GPBP1L1: variants seen among roughly 807,000 people sequenced by gnomAD.
GPBP1L1 encodes vasculin-like protein 1.
In GPBP1L1, 23 loss-of-function variants were observed where a neutral mutation model predicts 52.5. The observed-to-expected ratio is 0.44, with a 90% confidence interval of 0.32 to 0.62. The LOEUF is 0.62. Ranked by LOEUF, GPBP1L1 falls within the 20% of genes least tolerant of loss-of-function variation. GPBP1L1 has a pLI of 0.06. For missense variants in GPBP1L1, 596 were observed against 579.3 expected (o/e 1.03, Z -0.30); for synonymous variants, 243 against 203.1 (o/e 1.20, Z -1.67).
chr1:45,677,304 C>T (rs1441999965), intron 2 of GPBP1L1, among the ~76,000 whole-genome samples: 3 of 148,660 alleles, frequency 2.0e-5, no homozygotes, highest in Non-Finnish European at 4.4e-5. Context: ...TGCGCCACTG[C>T]ACTCCAGCCT....
chr1:45,658,046 A>G (rs531136765), intron 4 of GPBP1L1, among the ~76,000 whole-genome samples: 1 of 152,292 alleles, frequency 6.6e-6, no homozygotes, highest in South Asian at 2.1e-4. Context: ...TAAGTTTACT[A>G]GCTTCCCAAA....
chr1:45,659,056 A>G lies in GPBP1L1; in HGVS notation c.32T>C (p.Leu11Pro). 1.9e-6 allele frequency: 3 copies of G among 1,613,786 alleles called. No homozygotes were observed. The highest frequency in any genetic ancestry group is 2.5e-6 in the Non-Finnish European group (3 of 1,179,632). Reference sequence around the variant, plus strand: ...AGCTGACTGTGGTGTTGAGAAATTTAGCCAAGCAGGAACAAAATCATGCTG... The same window carrying G: ...AGCTGACTGTGGTGTTGAGAAATTTGGCCAAGCAGGAACAAAATCATGCTG... MAQHDFVPAW[L>P]NFSTPQSAKS... Residue 11 changes from leucine (L) to proline (P), a missense_variant, in exon 4 of 13, where the codon CTA becomes CCA. By Grantham distance (98) the Leu-to-Pro change is moderately conservative. Transcript: ENST00000355105.
intron 6 of GPBP1L1, chr1:45,651,519 A>T (rs552858841): frequency 3.9e-6 from 2 of 514,736 alleles, no homozygotes; most frequent in Non-Finnish European, 7.0e-6. Flanking sequence ...TTTGCCTCTG[A>T]TCTGTACTTG....
At chr1:45,661,645 T>C (rs1033723563) in intron 2 of GPBP1L1, among the ~76,000 whole-genome samples, 3 of 152,118 alleles carry the variant, frequency 2.0e-5, no homozygotes, top group African/African-American at 4.8e-5. Flanking sequence ...TTAGTAGACA[T>C]GGGGTTTCAC....
chr1:45,655,162 A>G (rs529852428), intron 5 of GPBP1L1, 28 bp downstream of exon 5: 1 of 1,613,782 alleles, frequency 6.2e-7, no homozygotes, highest in African/African-American at 1.3e-5. Flanking sequence ...TAGCTTAAAT[A>G]TAGTCATGAA....
chr1:45,630,779 TTC>T lies in GPBP1L1; in HGVS notation c.1045-175_1045-174del, dbSNP rs1206581839. The T allele has an allele frequency of 2.7e-5, 17 of 622,024 alleles. No homozygotes were observed. In the African/African-American group the frequency reaches 3.1e-4, roughly 11 times the overall value. The allele number at this position is 622,024 out of a possible 1,614,324, so 38.5% of individuals were successfully genotyped here. ...GGACCTGCTGCATCAACAAAACTGA[TTC>T]TAAAGTTTTAATGAAAAGGCAAAAG... On this transcript the variant is annotated intron_variant, in intron 10 of 12. Transcript: ENST00000355105.
intron 2 of GPBP1L1, among the ~76,000 whole-genome samples, chr1:45,674,286 TAGA>T (rs1276692481): frequency 2.0e-5 from 3 of 152,186 alleles, no homozygotes; most frequent in Non-Finnish European, 4.4e-5. Flanking sequence ...TTTGGATAAG[TAGA>T]AGATTAAAAA....
chr1:45,672,189 T>C (rs1645081533), intron 2 of GPBP1L1, among the ~76,000 whole-genome samples: 1 of 152,020 alleles, frequency 6.6e-6, no homozygotes, highest in South Asian at 2.1e-4. Flanking sequence ...TATGAAACCA[T>C]GTCTCTACTA....
intron 2 of GPBP1L1, among the ~76,000 whole-genome samples, chr1:45,678,815 T>C (rs1031941386): frequency 5.3e-5 from 8 of 152,192 alleles, no homozygotes; most frequent in Non-Finnish European, 1.2e-4. Flanking sequence ...GAATAGCACC[T>C]GGGTATTAGA....
intron 2 of GPBP1L1, among the ~76,000 whole-genome samples, chr1:45,672,066 A>T (rs1177552496): frequency 1.3e-5 from 2 of 152,116 alleles, no homozygotes; most frequent in Admixed American, 1.3e-4. Flanking sequence ...ATACCTTTTT[A>T]AAAAGATTTA....
At chr1:45,642,191 A>G (rs369215516) in intron 7 of GPBP1L1, among the ~76,000 whole-genome samples, 8 of 152,196 alleles carry the variant, frequency 5.3e-5, no homozygotes, top group African/African-American at 1.7e-4. Context: ...TCACGGTTCT[A>G]TAAGTTCTCA....
At chr1:45,652,081 A>G (rs569669680) in intron 6 of GPBP1L1, among the ~76,000 whole-genome samples, 2 of 152,356 alleles carry the variant, frequency 1.3e-5, no homozygotes, top group East Asian at 3.9e-4. Flanking sequence ...TAATTCTGTT[A>G]TGAGGCTGTC....
At chr1:45,661,899 CAT>C (rs1475086727) in intron 2 of GPBP1L1, among the ~76,000 whole-genome samples, 1 of 152,088 alleles carries the variant, frequency 6.6e-6, no homozygotes, top group Non-Finnish European at 1.5e-5. Context: ...GACAGGTTGC[CAT>C]GAGTGGTCAA....
chr1:45,680,253 T>C lies in GPBP1L1; in HGVS notation c.-1098+5323A>G, dbSNP rs573626797. Among the ~76,000 whole-genome samples, 148 of 148,530 alleles carry C rather than the reference T, an allele frequency of 1.0e-3. 1 individual carries two copies. In the East Asian group the frequency reaches 0.013, roughly 13 times the overall value. On this transcript the variant is annotated intron_variant, in intron 2 of 12. Coordinates refer to ENST00000355105, the MANE Select transcript of GPBP1L1 (RefSeq NM_021639.5). ...AGACACGCTTTTTTTTTTTTTTTTTTCTTGAGACAGAGTCTCGCTGTGTCA... is the reference window on the plus strand; with the variant it reads ...AGACACGCTTTTTTTTTTTTTTTTTCCTTGAGACAGAGTCTCGCTGTGTCA...
At chr1:45,663,189 T>C (rs1569851212) in intron 2 of GPBP1L1, among the ~76,000 whole-genome samples, 1 of 152,090 alleles carries the variant, frequency 6.6e-6, no homozygotes, top group East Asian at 1.9e-4. Context: ...ATGGAAAAGA[T>C]ATAAATAACT....
At chr1:45,683,741 TAATAA>T (rs1557726699) in intron 2 of GPBP1L1, among the ~76,000 whole-genome samples, 2 of 78,086 alleles carry the variant, frequency 2.6e-5, no homozygotes, top group African/African-American at 9.6e-5. Flanking sequence ...CCCTCCTCTC[TAATAA>T]AATACAAAAA....
At chr1:45,634,313 G>A in intron 8 of GPBP1L1, 77 bp from the exon 9 acceptor site, 1 of 1,405,744 alleles carries the variant, frequency 7.1e-7, no homozygotes, top group South Asian at 1.4e-5. Flanking sequence ...ATAAAGCAAA[G>A]AGTGAAATGT....
At chr1:45,639,226 G>A (rs1163817847) in intron 8 of GPBP1L1, among the ~76,000 whole-genome samples, 2 of 152,118 alleles carry the variant, frequency 1.3e-5, no homozygotes, top group Non-Finnish European at 2.9e-5. Context: ...TGATCATTCT[G>A]GCAGTTCTGT....
intron 2 of GPBP1L1, among the ~76,000 whole-genome samples, chr1:45,682,976 AC>A (rs1645228990): frequency 6.6e-6 from 1 of 152,080 alleles, no homozygotes; most frequent in African/African-American, 2.4e-5. Context: ...AACAGCAACT[AC>A]AGCCACTTAG....
Sources: gnomAD v4.1 joint callset for allele counts (sites outside exome capture counted in the v4.1 genomes callset) on GRCh38, gnomAD v4.1.1 for gene constraint, MANE v1.5 for transcripts, NCBI Gene and HGNC (gene_info 2026-07-23, HGNC 2026-07-21) for gene names.